The following ATG7 variants were observed in gnomAD, a reference collection of about 807,000 sequenced individuals.
ATG7 encodes ubiquitin-like modifier-activating enzyme ATG7.
ATG7 carries 70 observed loss-of-function variants against 82.4 expected under a neutral mutation model. The observed-to-expected ratio is 0.85, with a 90% confidence interval of 0.70 to 1.04. The LOEUF is 1.04. Among genes scored for constraint, ATG7 ranks in the 50% least tolerant of loss-of-function variants. The pLI, the probability that ATG7 is intolerant of heterozygous loss-of-function variation, is 0.00. For missense variants in ATG7, 792 were observed against 864.3 expected (o/e 0.92, Z 1.05); for synonymous variants, 287 against 313.0 (o/e 0.92, Z 0.88).
At chr3:11,401,414 T>C (rs1430647489) in intron 19 of ATG7, among the ~76,000 whole-genome samples, 1 of 152,216 alleles carries the variant, frequency 6.6e-6, no homozygotes, top group East Asian at 1.9e-4. Flanking sequence ...TTTAAAAAGA[T>C]GACCGAGAAT....
intron 18 of ATG7, among the ~76,000 whole-genome samples, chr3:11,374,535 T>G (rs7645555): frequency 0.22 from 34,190 of 152,032 alleles, 4,327 homozygotes; most frequent in South Asian, 0.35. Flanking sequence ...GTTTCTTATG[T>G]AAGATACCAA....
intron 19 of ATG7, among the ~76,000 whole-genome samples, chr3:11,380,382 A>G (rs1219536062): frequency 1.3e-5 from 2 of 152,172 alleles, no homozygotes; most frequent in East Asian, 3.8e-4. Flanking sequence ...GGACCCTCAT[A>G]GAGCAATTTT....
chr3:11,334,953 C>CAAAAAAAAAAAAAAAAAAAAAAAAAAAA (rs57211483), intron 11 of ATG7, among the ~76,000 whole-genome samples: 1 of 119,622 alleles, frequency 8.4e-6, no homozygotes, highest in Non-Finnish European at 1.7e-5. Context: ...GACTCTGTCT[C>CAAAAAAAAAAAAAAAAAAAAAAAAAAAA]AAAAAAAAAA....
intron 20 of ATG7, among the ~76,000 whole-genome samples, chr3:11,433,444 T>C (rs2083093195): frequency 6.6e-6 from 1 of 152,158 alleles, no homozygotes; most frequent in Non-Finnish European, 1.5e-5. Flanking sequence ...TAAGTATCAG[T>C]TCACATGTAT....
intron 19 of ATG7, among the ~76,000 whole-genome samples, chr3:11,390,915 A>AC (rs1375193282): frequency 4.6e-5 from 7 of 152,338 alleles, no homozygotes; most frequent in African/African-American, 1.7e-4. Context: ...TTTATCTGCT[A>AC]CCCACTAACC....
intron 14 of ATG7, among the ~76,000 whole-genome samples, chr3:11,349,239 TC>T (rs67275894): frequency 0.78 from 118,911 of 152,102 alleles, 47,142 homozygotes; most frequent in East Asian, 0.93. Context: ...AGAAAAGTTC[TC>T]CCAAGTCCCC....
chr3:11,317,795 A>G (rs111518959), intron 9 of ATG7, among the ~76,000 whole-genome samples: 7,117 of 151,848 alleles, frequency 0.047, 218 homozygotes, highest in African/African-American at 0.081. Context: ...GTTTCACCAT[A>G]TTGGCCAGGC....
intron 19 of ATG7, among the ~76,000 whole-genome samples, chr3:11,412,572 T>C (rs568447353): frequency 9.8e-5 from 15 of 152,332 alleles, no homozygotes; most frequent in Admixed American, 8.5e-4. Flanking sequence ...TATAGTAAAT[T>C]TGATTACTGT....
At chr3:11,514,420 C>T (rs1330698053) in intron 20 of ATG7, among the ~76,000 whole-genome samples, 4 of 152,220 alleles carry the variant, frequency 2.6e-5, no homozygotes, top group South Asian at 2.1e-4. Context: ...GTGCTTAGGA[C>T]TCATTCCCCT....
At chr3:11,354,183 A>G (rs1437323939) in intron 14 of ATG7, among the ~76,000 whole-genome samples, 2 of 152,192 alleles carry the variant, frequency 1.3e-5, no homozygotes, top group African/African-American at 4.8e-5. Flanking sequence ...CTTCTACTCC[A>G]GGACATAGGT....
At chr3:11,519,326 G>A (rs1266731016) in intron 20 of ATG7, among the ~76,000 whole-genome samples, 6 of 152,142 alleles carry the variant, frequency 3.9e-5, no homozygotes, top group Middle Eastern at 3.4e-3. Context: ...ATAAATAGGC[G>A]AAGGTAATTA....
intron 18 of ATG7, among the ~76,000 whole-genome samples, chr3:11,378,161 G>A (rs1349070119): frequency 6.7e-6 from 1 of 149,818 alleles, no homozygotes; most frequent in Non-Finnish European, 1.5e-5. Flanking sequence ...TTACATGGGT[G>A]CACCACCACA....
intron 19 of ATG7, among the ~76,000 whole-genome samples, chr3:11,402,255 A>G (rs1434267782): frequency 6.6e-6 from 1 of 152,156 alleles, no homozygotes; most frequent in Admixed American, 6.5e-5. Context: ...AACATGGTGA[A>G]ACCCGGTTTC....
intron 20 of ATG7, among the ~76,000 whole-genome samples, chr3:11,511,957 T>C (rs548652269): frequency 5.9e-5 from 9 of 152,158 alleles, no homozygotes; most frequent in Admixed American, 2.0e-4. Context: ...CATGCAGCCC[T>C]GGTTCCCGCT....
rs2076224330 is a variant in ATG7, at chr3:11,360,594, C to T, written c.1493C>T (p.Ala498Val). 6.2e-7 allele frequency: 1 copy of T among 1,613,630 alleles called. No individual in the cohort carries two copies. The highest frequency in any genetic ancestry group is 8.5e-7 in the Non-Finnish European group (1 of 1,179,896). Residue 498 changes from alanine to valine, a missense_variant, in exon 16 of 21, where the codon GCT becomes GTT. Ala to Val is a moderately conservative substitution (Grantham distance 64). Coordinates refer to ENST00000693202, the MANE Select transcript of ATG7 (RefSeq NM_001349232.2). ...AASKRKLVIN[A>V]ALGFDTFVVM... Reference sequence around the variant, plus strand: ...TGAAACCTGCAGCTGGTCATCAATGCTGCTTTGGGATTTGACACATTTGTT... The same window carrying T: ...TGAAACCTGCAGCTGGTCATCAATGTTGCTTTGGGATTTGACACATTTGTT...
At chr3:11,478,321 G>A (rs1285106855) in intron 20 of ATG7, among the ~76,000 whole-genome samples, 3 of 152,206 alleles carry the variant, frequency 2.0e-5, no homozygotes, top group Non-Finnish European at 2.9e-5. Flanking sequence ...ACCAAGGTAT[G>A]AAAGTATTCA....
intron 20 of ATG7, among the ~76,000 whole-genome samples, chr3:11,455,524 C>T (rs2085618776): frequency 6.6e-6 from 1 of 152,194 alleles, no homozygotes; most frequent in Non-Finnish European, 1.5e-5. Context: ...AAAGCCATCC[C>T]TGTGTACAAT....
intron 18 of ATG7, 53 bp from the exon 19 acceptor site, chr3:11,379,919 A>G (rs1432422158): frequency 6.5e-7 from 1 of 1,549,118 alleles, no homozygotes; most frequent in Non-Finnish European, 8.9e-7. Flanking sequence ...TGCATTTCAT[A>G]GATGTGGTCG....
intron 18 of ATG7, among the ~76,000 whole-genome samples, chr3:11,368,476 T>C (rs1202362926): frequency 2.0e-5 from 3 of 152,106 alleles, no homozygotes; most frequent in African/African-American, 7.2e-5. Context: ...ATTCTTTGGC[T>C]GTACCTCCTC....
Sources: gnomAD v4.1 joint callset for allele counts (sites outside exome capture counted in the v4.1 genomes callset) on GRCh38, gnomAD v4.1.1 for gene constraint, MANE v1.5 for transcripts, NCBI Gene and HGNC (gene_info 2026-07-23, HGNC 2026-07-21) for gene names.